The following IMMP2L variants were observed in gnomAD, a reference collection of about 807,000 sequenced individuals.
IMMP2L encodes inner mitochondrial membrane peptidase subunit 2.
IMMP2L carries 18 observed loss-of-function variants against 19.3 expected under a neutral mutation model. The ratio of observed to expected loss-of-function variants is 0.93; its 90% CI spans 0.64 to 1.38. The LOEUF (loss-of-function observed/expected upper bound fraction) is 1.38, where lower values mean the gene tolerates loss of function less well. Ranked by LOEUF, IMMP2L falls within the 40% of genes most tolerant of loss-of-function variation. The pLI, the probability that IMMP2L is intolerant of heterozygous loss-of-function variation, is 0.00. For missense variants in IMMP2L, 233 were observed against 218.2 expected, an observed-to-expected ratio of 1.07 and a Z score of -0.43; for synonymous variants, 76 against 73.0, an observed-to-expected ratio of 1.04 and a Z score of -0.21.
rs142188930 is a variant in IMMP2L, at chr7:110,760,694, C to T, written c.409-96973G>A. Among the ~76,000 whole-genome samples, 23 of 152,168 alleles carry T rather than the reference C, an allele frequency of 1.5e-4. No individual in the cohort carries two copies. The East Asian group carries it at 4.3e-3, about 28-fold the overall frequency. The stretch of plus-strand genomic sequence containing the variant: ...TTTTGGTCTGTGCTTTCTTTTTGTT[C>T]TACAATATATTTATTTCAAAATCTC... On this transcript the variant is annotated intron_variant, in intron 5 of 5. Transcript: ENST00000405709. This position sits in a 1 kb window ranked among gnomAD's most constrained non-coding sequence, Gnocchi z 4.2.
At chr7:111,328,725 GGATAATTGCTT>G (rs1825586704) in intron 3 of IMMP2L, among the ~76,000 whole-genome samples, 1 of 151,646 alleles carries the variant, frequency 6.6e-6, no homozygotes, top group Non-Finnish European at 1.5e-5. Flanking sequence ...GAAGTGATGT[GGATAATTGCTT>G]GTCATTAAAC....
intron 3 of IMMP2L, among the ~76,000 whole-genome samples, chr7:111,061,841 T>A (rs563471151): frequency 6.6e-6 from 1 of 152,338 alleles, no homozygotes; most frequent in East Asian, 1.9e-4. Context: ...TCCATTAAAA[T>A]CTATGTTCTT....
rs939818161 is a variant in IMMP2L, at chr7:110,728,341, A to T, written c.409-64620T>A. Among the ~76,000 whole-genome samples the T allele has an allele frequency of 6.6e-6, 1 of 151,996 alleles. No individual in the cohort carries two copies. The highest frequency in any genetic ancestry group is 2.4e-5 in the African/African-American group (1 of 41,364). On this transcript the variant is annotated intron_variant, in intron 5 of 5. Coordinates refer to ENST00000405709, the MANE Select transcript of IMMP2L (RefSeq NM_032549.4). The surrounding 1 kb of genome is among the most constrained non-coding windows in gnomAD (Gnocchi z 4.6). ...TGGCAAAACCCTGTATCTATAAAAT[A>T]TATAAAAATTAGCTGGGCATAGTGG...
intron 3 of IMMP2L, among the ~76,000 whole-genome samples, chr7:111,350,290 T>C (rs559866394): frequency 1.3e-5 from 2 of 151,952 alleles, no homozygotes; most frequent in South Asian, 4.2e-4. Flanking sequence ...TTAAAAGGAA[T>C]CCTGATGTTA....
At chr7:111,135,434 A>C (rs1399468690) in intron 3 of IMMP2L, among the ~76,000 whole-genome samples, 1 of 152,120 alleles carries the variant, frequency 6.6e-6, no homozygotes, top group Non-Finnish European at 1.5e-5. Flanking sequence ...ATTCCTCCAA[A>C]GTGAGCACTG....
Position 111,164,466 on chromosome 7 carries a change from G to T in IMMP2L, c.240-200901C>A, listed in dbSNP as rs183346164. On this transcript the variant is annotated intron_variant, in intron 3 of 5. Transcript: ENST00000405709. ...AGGACATGTTGTGAGGAAGCACTGG[G>T]TCACTAGGGAAGTCACCATAAGCTC... 3.5e-3 allele frequency among the ~76,000 whole-genome samples: 538 copies of T among 152,172 alleles called. 6 individuals are homozygous for T. Among genetic ancestry groups the T allele is most frequent in the African/African-American group, 0.013 (522 of 41,516 alleles).
At chr7:110,836,716 G>C (rs1804521741) in intron 5 of IMMP2L, among the ~76,000 whole-genome samples, 1 of 152,140 alleles carries the variant, frequency 6.6e-6, no homozygotes, top group Admixed American at 6.6e-5. Context: ...AATCCCCTTA[G>C]AAACCTCTGT....
At chr7:111,150,983 G>T (rs1469606894) in intron 3 of IMMP2L, among the ~76,000 whole-genome samples, 1 of 152,168 alleles carries the variant, frequency 6.6e-6, no homozygotes, top group Admixed American at 6.5e-5. Flanking sequence ...TCCCACCAGA[G>T]AACTGCTCTG....
rs1585851421 is a variant in IMMP2L, at chr7:111,031,285, T to C, written c.240-67720A>G. On this transcript the variant is annotated intron_variant, in intron 3 of 5. Coordinates refer to ENST00000405709, the MANE Select transcript of IMMP2L (RefSeq NM_032549.4). ...ATCACTCCCCAATAAAAGGCATCCATGCTCCTTGAGAAAAGGGATGCTTCT... is the reference window on the plus strand; with the variant it reads ...ATCACTCCCCAATAAAAGGCATCCACGCTCCTTGAGAAAAGGGATGCTTCT... Among the ~76,000 whole-genome samples, 8 of 151,934 alleles carry C rather than the reference T, an allele frequency of 5.3e-5. No individual in the cohort carries two copies. The South Asian group carries it at 1.5e-3, about 28-fold the overall frequency.
At chr7:110,858,125 T>C (rs1190414197) in intron 5 of IMMP2L, among the ~76,000 whole-genome samples, 1 of 152,052 alleles carries the variant, frequency 6.6e-6, no homozygotes, top group Admixed American at 6.6e-5. Flanking sequence ...TAATCTTTTT[T>C]GGTAGGTTAA....
At chr7:111,305,918 G>C (rs1822816720) in intron 3 of IMMP2L, among the ~76,000 whole-genome samples, 1 of 152,108 alleles carries the variant, frequency 6.6e-6, no homozygotes, top group South Asian at 2.1e-4. Context: ...AAAAGTGGTG[G>C]AGGCCAGAAT....
intron 3 of IMMP2L, among the ~76,000 whole-genome samples, chr7:111,030,652 T>C (rs1441504240): frequency 1.3e-5 from 2 of 152,024 alleles, no homozygotes; most frequent in Admixed American, 6.6e-5. Context: ...TTCTCAACTA[T>C]GAAAGGTTAA....
intron 3 of IMMP2L, among the ~76,000 whole-genome samples, chr7:111,159,162 T>C (rs926831833): frequency 3.9e-5 from 6 of 152,104 alleles, no homozygotes; most frequent in African/African-American, 1.2e-4. Flanking sequence ...GTTACCCAGG[T>C]TGGAGTGCAG....
chr7:111,503,950 A>C (rs981652756), intron 2 of IMMP2L, among the ~76,000 whole-genome samples: 11 of 152,056 alleles, frequency 7.2e-5, no homozygotes, highest in Non-Finnish European at 1.5e-4. Context: ...TATTCAACAT[A>C]GTGTTGGAAA....
intron 4 of IMMP2L, among the ~76,000 whole-genome samples, chr7:110,909,203 G>T (rs1415906849): frequency 6.6e-6 from 1 of 152,130 alleles, no homozygotes; most frequent in Non-Finnish European, 1.5e-5. Flanking sequence ...ATGAAATGAG[G>T]CAGGAGTGGT....
intron 5 of IMMP2L, among the ~76,000 whole-genome samples, chr7:110,854,375 A>G (rs999827610): frequency 5.9e-5 from 9 of 151,946 alleles, no homozygotes; most frequent in African/African-American, 1.9e-4. Context: ...ACACTAAATC[A>G]TTTTGGAAAA....
At chr7:111,071,988 C>A (rs554813041) in intron 3 of IMMP2L, among the ~76,000 whole-genome samples, 150 of 151,844 alleles carry the variant, frequency 9.9e-4, no homozygotes, top group Non-Finnish European at 1.6e-3. Context: ...GGGGTCATGA[C>A]AAATGAGTGA....
intron 4 of IMMP2L, among the ~76,000 whole-genome samples, chr7:110,896,823 T>G (rs958806345): frequency 6.6e-6 from 1 of 151,976 alleles, no homozygotes; most frequent in African/African-American, 2.4e-5. Flanking sequence ...TTTTTTTTTT[T>G]AGAGACAAGG....
At chr7:111,361,994 A>G (rs1829303536) in intron 3 of IMMP2L, among the ~76,000 whole-genome samples, 1 of 152,140 alleles carries the variant, frequency 6.6e-6, no homozygotes, top group Non-Finnish European at 1.5e-5. Context: ...AAAAATTTTC[A>G]TCATGAATTT....
Sources: allele counts gnomAD v4.1 joint callset (sites outside exome capture counted in the v4.1 genomes callset), GRCh38; gene constraint gnomAD v4.1.1; non-coding constraint Gnocchi (gnomAD v3.1); transcripts MANE v1.5; gene names NCBI Gene and HGNC (gene_info 2026-07-23, HGNC 2026-07-21).